The following FILIP1L variants were observed in gnomAD, a reference collection of about 807,000 sequenced individuals.
FILIP1L encodes filamin A interacting protein 1 like.
FILIP1L carries 55 observed loss-of-function variants against 96.6 expected under a neutral mutation model. The ratio of observed to expected loss-of-function variants is 0.57; its 90% CI spans 0.46 to 0.71. The LOEUF is 0.71. Among genes scored for constraint, FILIP1L ranks in the 30% least tolerant of loss-of-function variants. The pLI, the probability that FILIP1L is intolerant of heterozygous loss-of-function variation, is 0.00. For synonymous variants in FILIP1L, 467 were observed against 473.9 expected, an observed-to-expected ratio of 0.99 and a Z score of 0.19; for missense variants, 1,304 against 1,321.2, an observed-to-expected ratio of 0.99 and a Z score of 0.20.
At chr3:99,897,588 GA>G (rs1418827025) in intron 4 of FILIP1L, among the ~76,000 whole-genome samples, 1 of 152,148 alleles carries the variant, frequency 6.6e-6, no homozygotes, top group Non-Finnish European at 1.5e-5. Flanking sequence ...AAGACAATGG[GA>G]TGCCTTATGA....
chr3:99,952,802 C>T (rs1241754804), intron 1 of FILIP1L, among the ~76,000 whole-genome samples: 1 of 152,040 alleles, frequency 6.6e-6, no homozygotes, highest in African/African-American at 2.4e-5. Flanking sequence ...CACAAGAAAA[C>T]GTGTCTTACA....
intron 1 of FILIP1L, among the ~76,000 whole-genome samples, chr3:99,961,397 A>G (rs1238614842): frequency 6.6e-6 from 1 of 152,140 alleles, no homozygotes; most frequent in African/African-American, 2.4e-5. Flanking sequence ...TCATCCCTTT[A>G]TGTATCTACA....
At chr3:99,966,822 G>A (rs928994826) in intron 1 of FILIP1L, among the ~76,000 whole-genome samples, 4 of 152,182 alleles carry the variant, frequency 2.6e-5, no homozygotes, top group African/African-American at 9.6e-5. Flanking sequence ...ATTCAACAGA[G>A]CATGCCGTAC....
chr3:100,060,261 G>A (rs1262912161), intron 1 of FILIP1L, among the ~76,000 whole-genome samples: 1 of 152,086 alleles, frequency 6.6e-6, no homozygotes, highest in Non-Finnish European at 1.5e-5. Context: ...GGGAGGTAAA[G>A]GAGTGAAGTA....
intron 5 of FILIP1L, among the ~76,000 whole-genome samples, chr3:99,839,636 C>G (rs1000619096): frequency 3.9e-5 from 6 of 152,156 alleles, no homozygotes; most frequent in Admixed American, 2.6e-4. Context: ...ATGGAAAGCT[C>G]TAGTTGACCT....
In FILIP1L at chr3:99,829,613, T is replaced by C. The variant is rs1559647749; in HGVS notation, c.*801A>G. Among the ~76,000 whole-genome samples the C allele has an allele frequency of 1.3e-5, 2 of 152,170 alleles. No individual in the cohort carries two copies. Among genetic ancestry groups the C allele is most frequent in the African/African-American group, 4.8e-5 (2 of 41,424 alleles). On this transcript the variant is annotated 3_prime_UTR_variant, in exon 6 of 6. Transcript: ENST00000477258. ...TGAAAATCTAGGATTGGAATTTGAGTCTCCTAACCCCAAGCTTTTGTTGAA... is the reference window on the plus strand; with the variant it reads ...TGAAAATCTAGGATTGGAATTTGAGCCTCCTAACCCCAAGCTTTTGTTGAA...
rs7640964 is a variant in FILIP1L, at chr3:99,972,850, C to G, written c.-10-41820G>C. 5.5e-3 allele frequency among the ~76,000 whole-genome samples: 843 copies of G among 152,278 alleles called. 3 individuals are homozygous for G. Among genetic ancestry groups the G allele is most frequent in the African/African-American group, 0.019 (806 of 41,562 alleles). On this transcript the variant is annotated intron_variant, in intron 1 of 5. Coordinates refer to ENST00000477258, the MANE Select transcript of FILIP1L (RefSeq NM_001387850.1). ...GCATCTGTCTGATGCAGGCCTTTGG[C>G]TTTGGAACTTTTTCTTTCATGTTAG...
chr3:99,841,551 A>T (rs1041593571), intron 5 of FILIP1L, among the ~76,000 whole-genome samples: 8 of 152,198 alleles, frequency 5.3e-5, no homozygotes, highest in Non-Finnish European at 8.8e-5. Flanking sequence ...GGAATGGCTG[A>T]GGACGAGGTA....
At chr3:100,017,285 C>T (rs1710372630) in intron 1 of FILIP1L, among the ~76,000 whole-genome samples, 1 of 152,154 alleles carries the variant, frequency 6.6e-6, no homozygotes, top group Non-Finnish European at 1.5e-5. Context: ...CATGTTACAT[C>T]AGCAAAGGTT....
chr3:99,877,994 T>TTCA (rs1455202982), intron 4 of FILIP1L, among the ~76,000 whole-genome samples: 10 of 152,360 alleles, frequency 6.6e-5, no homozygotes, highest in African/African-American at 1.9e-4. Context: ...TTTTCATTCT[T>TTCA]TTGACTTGCT....
chr3:99,887,099 C>G (rs1271288540), intron 4 of FILIP1L, among the ~76,000 whole-genome samples: 3 of 151,626 alleles, frequency 2.0e-5, no homozygotes, highest in Non-Finnish European at 2.9e-5. Context: ...TGGAGAAACC[C>G]CATCTCTACT....
intron 1 of FILIP1L, among the ~76,000 whole-genome samples, chr3:99,983,918 A>G (rs1709250244): frequency 6.6e-6 from 1 of 152,168 alleles, no homozygotes; most frequent in South Asian, 2.1e-4. Context: ...AGCCTAGAGG[A>G]AGGCCAAGAG....
chr3:99,856,526 A>G lies in FILIP1L; in HGVS notation c.606-5456T>C, dbSNP rs183486143. On this transcript the variant is annotated intron_variant, in intron 4 of 5. Transcript: ENST00000477258. ...TGTGGAAGCTGGTTTTATGGACACA[A>G]AAGTGAGGTAATTAAATCCAAACTG... is the stretch of plus-strand genomic sequence containing the variant. 7.1e-3 allele frequency among the ~76,000 whole-genome samples: 1,078 copies of G among 152,332 alleles called. 17 individuals carry two copies. The highest frequency in any genetic ancestry group is 0.025 in the African/African-American group (1,041 of 41,574).
At chr3:100,079,713 T>A (rs893811878) in intron 1 of FILIP1L, among the ~76,000 whole-genome samples, 1 of 152,134 alleles carries the variant, frequency 6.6e-6, no homozygotes, top group Non-Finnish European at 1.5e-5. Flanking sequence ...ATTAGGTACC[T>A]GTATTCACAC....
chr3:100,030,881 T>C (rs2065011311), intron 1 of FILIP1L, among the ~76,000 whole-genome samples: 2 of 152,212 alleles, frequency 1.3e-5, no homozygotes. Context: ...AAATTTTCTT[T>C]ACTGTGCAAC....
intron 1 of FILIP1L, among the ~76,000 whole-genome samples, chr3:100,021,534 C>T (rs2064817024): frequency 6.6e-6 from 1 of 152,106 alleles, no homozygotes; most frequent in Non-Finnish European, 1.5e-5. Context: ...CCAGAAAGAA[C>T]AGAGTCAAGA....
chr3:100,099,309 G>A (rs1015720159), intron 1 of FILIP1L, among the ~76,000 whole-genome samples: 4 of 152,128 alleles, frequency 2.6e-5, no homozygotes, highest in African/African-American at 9.7e-5. Flanking sequence ...TCTCATTTCA[G>A]TACACCCTTT....
At chr3:99,832,060 AC>A (rs1942687002) in intron 5 of FILIP1L, among the ~76,000 whole-genome samples, 1 of 152,114 alleles carries the variant, frequency 6.6e-6, no homozygotes, top group African/African-American at 2.4e-5. Flanking sequence ...GGTCACTGAT[AC>A]TTTCAGGCCC....
At chr3:99,919,489 G>GTGCTAC (rs1707057017) in intron 4 of FILIP1L, among the ~76,000 whole-genome samples, 1 of 150,852 alleles carries the variant, frequency 6.6e-6, no homozygotes, top group East Asian at 1.9e-4. Flanking sequence ...TTTTGTTTCA[G>GTGCTAC]TTAATGAATG....
Sources: allele counts gnomAD v4.1 joint callset (sites outside exome capture counted in the v4.1 genomes callset), GRCh38; gene constraint gnomAD v4.1.1; transcripts MANE v1.5; gene names NCBI Gene and HGNC (gene_info 2026-07-23, HGNC 2026-07-21).